The following KLHL29 variants were observed in gnomAD, a reference collection of about 807,000 sequenced individuals.
KLHL29 encodes the protein kelch like family member 29.
Under a neutral mutation model 80.4 loss-of-function variants are expected in KLHL29, and 21 were observed. The observed-to-expected ratio is 0.26, with a 90% CI of 0.19 to 0.38. The LOEUF (loss-of-function observed/expected upper bound fraction) is 0.38, where lower values mean the gene tolerates loss of function less well. Among genes scored for constraint, KLHL29 ranks in the 10% least tolerant of loss-of-function variants. The pLI is 1.00. For missense variants in KLHL29, 867 were observed against 1,223.9 expected (o/e 0.71, Z 4.35); for synonymous variants, 511 against 526.8 (o/e 0.97, Z 0.41).
intron 1 of KLHL29, among the ~76,000 whole-genome samples, chr2:23,470,188 A>G (rs1413055467): frequency 1.3e-5 from 2 of 152,208 alleles, no homozygotes; most frequent in Non-Finnish European, 2.9e-5. Context: ...ATCCAAGGCA[A>G]CTAGGAGATG....
intron 1 of KLHL29, among the ~76,000 whole-genome samples, chr2:23,431,846 G>A (rs918603827): frequency 2.7e-5 from 4 of 145,760 alleles, no homozygotes; most frequent in East Asian, 4.0e-4. Flanking sequence ...GTAGTCAGCC[G>A]AGCCGAGATT....
Position 23,397,227 on chromosome 2 carries a change from T to C in KLHL29, c.-154+11447T>C, listed in dbSNP as rs59319398. Among the ~76,000 whole-genome samples the C allele has an allele frequency of 5.7e-3, 871 of 152,296 alleles. 7 individuals are homozygous for C. Among genetic ancestry groups the C allele is most frequent in the African/African-American group, 0.02 (819 of 41,574 alleles). ...CAAACGGCCCTCCTGTGGCAGGGGC[T>C]CCAGCCCCAGTTCTAGATGAGGGCT... On this transcript the variant is annotated intron_variant, in intron 1 of 13. Transcript: ENST00000486442.
chr2:23,704,008 G>T, intron 13 of KLHL29, 145 bp downstream of exon 13: 1 of 999,504 alleles, frequency 1.0e-6, no homozygotes, highest in Non-Finnish European at 1.4e-6. Context: ...ACAGGAGTGG[G>T]CATTAGCCCA....
At chr2:23,629,900 G>A (rs982795796) in intron 3 of KLHL29, among the ~76,000 whole-genome samples, 1 of 152,204 alleles carries the variant, frequency 6.6e-6, no homozygotes, top group African/African-American at 2.4e-5. Flanking sequence ...GCACTTCCAT[G>A]CTTGAGATCC....
chr2:23,512,106 A>G (rs1238072496), intron 2 of KLHL29, among the ~76,000 whole-genome samples: 1 of 152,212 alleles, frequency 6.6e-6, no homozygotes, highest in Non-Finnish European at 1.5e-5. Context: ...GGGTGACCTC[A>G]GCAAATGACC....
Position 23,693,384 on chromosome 2 carries a change from G to A in KLHL29, c.1398G>A (p.Val466=). 1 of 1,551,740 alleles carries A rather than the reference G, an allele frequency of 6.4e-7. No individual in the cohort carries two copies. The highest frequency in any genetic ancestry group is 8.7e-7 in the Non-Finnish European group (1 of 1,146,998). ...TCGCGCTGCAGATCTTCCCCGAGGT[G>A]GCCGCCCAGGAGGAGATCCTCAGCA... ...KAFALQIFPE[V]AAQEEILSIS... is the part of the protein sequence containing the mutation. The change falls in exon 8 of 14, where the codon GTG becomes GTA. Residue 466 remains valine, a synonymous_variant. Coordinates refer to ENST00000486442, the MANE Select transcript of KLHL29 (RefSeq NM_052920.2).
At chr2:23,585,375 A>G (rs977094150) in intron 3 of KLHL29, among the ~76,000 whole-genome samples, 2 of 152,194 alleles carry the variant, frequency 1.3e-5, no homozygotes, top group African/African-American at 4.8e-5. Context: ...TATCAATGGT[A>G]TTAAGCACAT....
intron 2 of KLHL29, among the ~76,000 whole-genome samples, chr2:23,514,080 CT>C (rs1276127989): frequency 6.6e-6 from 1 of 152,162 alleles, no homozygotes; most frequent in Non-Finnish European, 1.5e-5. Flanking sequence ...GTGTTTATTG[CT>C]TTTGTGCATT....
chr2:23,608,083 T>A (rs1668773352), intron 3 of KLHL29, among the ~76,000 whole-genome samples: 1 of 152,190 alleles, frequency 6.6e-6, no homozygotes, highest in Admixed American at 6.5e-5. Flanking sequence ...CTACAGGTAG[T>A]CAGTAGTTGA....
At chr2:23,573,014 G>A (rs575305897) in intron 3 of KLHL29, among the ~76,000 whole-genome samples, 13 of 152,318 alleles carry the variant, frequency 8.5e-5, no homozygotes, top group African/African-American at 2.6e-4. Context: ...TGTGGGTGCC[G>A]TGATGAGGAT....
intron 3 of KLHL29, among the ~76,000 whole-genome samples, chr2:23,565,481 C>A (rs1667565882): frequency 6.6e-6 from 1 of 152,212 alleles, no homozygotes; most frequent in Non-Finnish European, 1.5e-5. Flanking sequence ...TACCCCTTGG[C>A]TGGGACTCCA....
At chr2:23,671,201 A>C (rs1204449500) in intron 5 of KLHL29, among the ~76,000 whole-genome samples, 1 of 151,652 alleles carries the variant, frequency 6.6e-6, no homozygotes, top group Non-Finnish European at 1.5e-5. Context: ...CTTTAAAACT[A>C]TTTATTTATT....
intron 2 of KLHL29, among the ~76,000 whole-genome samples, chr2:23,542,990 C>G (rs938422665): frequency 6.6e-6 from 1 of 152,202 alleles, no homozygotes; most frequent in Admixed American, 6.5e-5. Flanking sequence ...GAACAAACCA[C>G]CCCAAACTGT....
chr2:23,613,790 A>AAAAC (rs1668933636), intron 3 of KLHL29, among the ~76,000 whole-genome samples: 1 of 146,586 alleles, frequency 6.8e-6, no homozygotes, highest in African/African-American at 2.5e-5. Context: ...AAAAAAAAAA[A>AAAAC]CCCACCACTC....
At chr2:23,573,473 G>C (rs1297838080) in intron 3 of KLHL29, among the ~76,000 whole-genome samples, 1 of 152,166 alleles carries the variant, frequency 6.6e-6, no homozygotes, top group Non-Finnish European at 1.5e-5. Context: ...CTAGAGCTCT[G>C]GGTAGGCCCA....
chr2:23,494,841 C>G (rs1290895410), intron 2 of KLHL29, among the ~76,000 whole-genome samples: 1 of 152,194 alleles, frequency 6.6e-6, no homozygotes, highest in African/African-American at 2.4e-5. Context: ...TTTCCACACA[C>G]CCAGTTGCCA....
At chr2:23,468,884 G>A (rs1664422000) in intron 1 of KLHL29, among the ~76,000 whole-genome samples, 1 of 152,184 alleles carries the variant, frequency 6.6e-6, no homozygotes, top group Admixed American at 6.5e-5. Flanking sequence ...TGCTTACGGC[G>A]TCCAGACTTG....
chr2:23,465,374 CCT>C (rs1250798439), intron 1 of KLHL29, among the ~76,000 whole-genome samples: 1 of 152,242 alleles, frequency 6.6e-6, no homozygotes, highest in African/African-American at 2.4e-5. Flanking sequence ...TCACCTCCTG[CCT>C]CTCTGTGTGT....
chr2:23,635,474 A>C (rs2149152996), intron 3 of KLHL29, among the ~76,000 whole-genome samples: 1 of 152,314 alleles, frequency 6.6e-6, no homozygotes, highest in East Asian at 1.9e-4. Context: ...CCCCATGGCC[A>C]GCAGGTGCCT....
Sources: gnomAD v4.1 joint callset for allele counts (sites outside exome capture counted in the v4.1 genomes callset) on GRCh38, gnomAD v4.1.1 for gene constraint, MANE v1.5 for transcripts, NCBI Gene and HGNC (gene_info 2026-07-23, HGNC 2026-07-21) for gene names.